The following INVS variants were observed in gnomAD, a reference collection of about 807,000 sequenced individuals.
INVS encodes inversion of embryo turning homolog.
Under a neutral mutation model 108.8 loss-of-function variants are expected in INVS, and 86 were observed. The ratio of observed to expected loss-of-function variants is 0.79; its 90% CI spans 0.66 to 0.95. The LOEUF (loss-of-function observed/expected upper bound fraction) is 0.95, where lower values mean the gene tolerates loss of function less well. Among genes scored for constraint, INVS ranks in the 40% least tolerant of loss-of-function variants. INVS has a pLI of 0.00. For synonymous variants in INVS, 455 were observed against 473.5 expected, an observed-to-expected ratio of 0.96 and a Z score of 0.51; for missense variants, 1,169 against 1,297.4, an observed-to-expected ratio of 0.90 and a Z score of 1.52.
chr9:100,251,797 C>T (rs1326811922), intron 8 of INVS, among the ~76,000 whole-genome samples: 2 of 152,136 alleles, frequency 1.3e-5, no homozygotes, highest in African/African-American at 4.8e-5. Flanking sequence ...CACTGGGGTA[C>T]TTCAGCCAAC....
intron 3 of INVS, chr9:100,175,396 A>G (rs904280968): frequency 5.8e-6 from 5 of 867,446 alleles, no homozygotes; most frequent in Non-Finnish European, 9.8e-6. Flanking sequence ...AGCACCGCAA[A>G]AAAGGAAGAC....
At chr9:100,188,822 G>A (rs1198553606) in intron 3 of INVS, among the ~76,000 whole-genome samples, 1 of 151,740 alleles carries the variant, frequency 6.6e-6, no homozygotes, top group African/African-American at 2.4e-5. Context: ...GACCTTGGGC[G>A]TTTTTTGTTG....
intron 16 of INVS, among the ~76,000 whole-genome samples, chr9:100,298,572 C>A (rs1222370671): frequency 1.3e-5 from 2 of 152,138 alleles, no homozygotes; most frequent in Non-Finnish European, 1.5e-5. Flanking sequence ...GCAGCTAATG[C>A]CAGGTCCAGT....
chr9:100,193,774 T>A (rs1830292883), intron 3 of INVS, among the ~76,000 whole-genome samples: 1 of 152,216 alleles, frequency 6.6e-6, no homozygotes, highest in African/African-American at 2.4e-5. Flanking sequence ...TACCAATGAT[T>A]TATATATTAT....
At chr9:100,268,510 C>G (rs1832859208) in intron 11 of INVS, among the ~76,000 whole-genome samples, 1 of 152,090 alleles carries the variant, frequency 6.6e-6, no homozygotes, top group Non-Finnish European at 1.5e-5. Context: ...AGCCCTCACT[C>G]AAGATGGAGT....
chr9:100,268,988 G>A (rs900637447), intron 11 of INVS, among the ~76,000 whole-genome samples: 4 of 152,164 alleles, frequency 2.6e-5, no homozygotes, highest in Non-Finnish European at 5.9e-5. Context: ...TATATATTAT[G>A]TGAAGGATAC....
chr9:100,206,397 T>C (rs995932298), intron 3 of INVS, among the ~76,000 whole-genome samples: 6 of 152,150 alleles, frequency 3.9e-5, no homozygotes, highest in African/African-American at 1.4e-4. Flanking sequence ...TTTGATATAA[T>C]CTCAAATTTA....
intron 3 of INVS, among the ~76,000 whole-genome samples, chr9:100,224,984 A>C (rs72733349): frequency 0.12 from 18,028 of 151,898 alleles, 1,400 homozygotes; most frequent in Middle Eastern, 0.18. Context: ...TACTGCCTGC[A>C]AGTGGGTGGG....
At chr9:100,200,148 T>C (rs1035929221) in intron 3 of INVS, among the ~76,000 whole-genome samples, 2 of 152,214 alleles carry the variant, frequency 1.3e-5, no homozygotes, top group Admixed American at 6.5e-5. Flanking sequence ...TGTTTCTTTT[T>C]ATGTAATTTT....
At chr9:100,149,901 A>T (rs1045003545) in intron 3 of INVS, among the ~76,000 whole-genome samples, 1 of 152,176 alleles carries the variant, frequency 6.6e-6, no homozygotes, top group African/African-American at 2.4e-5. Context: ...AAAGTTCTTC[A>T]AGGTCACCTT....
At position 100,104,496 on chromosome 9, in the gene INVS, A is replaced by T; in HGVS notation, c.-24-2A>T. 1 of 1,509,552 alleles carries T rather than the reference A, an allele frequency of 6.6e-7. No homozygotes were observed. The highest frequency in any genetic ancestry group is 9.2e-7 in the Non-Finnish European group (1 of 1,085,176). The allele number at this position is 1,509,552 out of a possible 1,614,324, so 93.5% of individuals were successfully genotyped here. ...CGCTCATTGTCTGAATCATTGTTTC[A>T]GGTTGCTCCGGTTGCTAAGAAGACT... On this transcript the variant is annotated splice_acceptor_variant, in intron 1 of 16. Transcript: ENST00000262457. LOFTEE classifies it low-confidence loss of function (5UTR_SPLICE).
chr9:100,213,103 A>T (rs996883745), intron 3 of INVS, among the ~76,000 whole-genome samples: 6 of 150,558 alleles, frequency 4.0e-5, no homozygotes, highest in African/African-American at 1.5e-4. Context: ...AGGGGTACTA[A>T]TCCCATTTAT....
intron 3 of INVS, among the ~76,000 whole-genome samples, chr9:100,160,583 A>G (rs1227511493): frequency 6.6e-6 from 1 of 152,096 alleles, no homozygotes; most frequent in Non-Finnish European, 1.5e-5. Flanking sequence ...TGCAAGTCTG[A>G]ATTTATAGTT....
intron 13 of INVS, among the ~76,000 whole-genome samples, chr9:100,287,613 T>TA (rs1219330750): frequency 6.6e-6 from 1 of 152,198 alleles, no homozygotes; most frequent in Admixed American, 6.5e-5. Flanking sequence ...TCTCATGGTT[T>TA]AAATGTGTGT....
At chr9:100,290,326 G>T (rs1833572075) in intron 13 of INVS, among the ~76,000 whole-genome samples, 1 of 152,146 alleles carries the variant, frequency 6.6e-6, no homozygotes, top group African/African-American at 2.4e-5. Flanking sequence ...CAAATGAGCA[G>T]ATATAGGTAT....
chr9:100,136,433 A>C (rs964730023), intron 3 of INVS, among the ~76,000 whole-genome samples: 3 of 152,202 alleles, frequency 2.0e-5, no homozygotes, highest in African/African-American at 7.2e-5. Flanking sequence ...TATATTTATA[A>C]TTCATATATC....
At chr9:100,133,261 C>A (rs1460882835) in intron 3 of INVS, among the ~76,000 whole-genome samples, 1 of 152,062 alleles carries the variant, frequency 6.6e-6, no homozygotes, top group Non-Finnish European at 1.5e-5. Context: ...CTTCCAAAAC[C>A]CTTCTTTCCC....
intron 14 of INVS, among the ~76,000 whole-genome samples, chr9:100,294,031 G>T (rs1184980224): frequency 6.6e-6 from 1 of 152,186 alleles, no homozygotes; most frequent in African/African-American, 2.4e-5. Flanking sequence ...ACCTACGCAT[G>T]GTGGCACATG....
At chr9:100,162,595 G>A (rs963487862) in intron 3 of INVS, among the ~76,000 whole-genome samples, 1 of 152,122 alleles carries the variant, frequency 6.6e-6, no homozygotes, top group Non-Finnish European at 1.5e-5. Flanking sequence ...AAGCCCTGTG[G>A]CAGATGCTCT....
Sources: gnomAD v4.1 joint callset for allele counts (sites outside exome capture counted in the v4.1 genomes callset) on GRCh38, gnomAD v4.1.1 for gene constraint, MANE v1.5 for transcripts, NCBI Gene and HGNC (gene_info 2026-07-23, HGNC 2026-07-21) for gene names.